Variants in CSAG3 observed in about 807,000 individuals in gnomAD.
The protein encoded by CSAG3 is CSAG family member 3, also known as chondrosarcoma-associated gene 2/3 protein.
For missense variants in CSAG3, 15 were observed against 93.0 expected, an observed-to-expected ratio of 0.16 and a Z score of 3.45; for synonymous variants, 4 against 34.0, an observed-to-expected ratio of 0.12 and a Z score of 3.07.
upstream of CSAG3, chrX:152,758,831 C>CTCTT (rs1932604810): frequency 1.9e-4 from 4 of 21,413 alleles, no homozygotes; most frequent in African/African-American, 3.9e-4. Flanking sequence ...CTCTCTCTTT[C>CTCTT]TCTCTCTCTC....
At chrX:152,758,849 C>T (rs1932607802), upstream of CSAG3, 1 of 91,982 alleles carries the variant, frequency 1.1e-5, no homozygotes, top group Non-Finnish European at 2.1e-5. Context: ...CTCTCTCTCT[C>T]TCTCTCTCTC....
chrX:152,757,625 GTA>G (rs1351547990), upstream of CSAG3, among the ~76,000 whole-genome samples: 27 of 36,376 alleles, frequency 7.4e-4, 3 homozygotes, highest in Non-Finnish European at 9.1e-4. Flanking sequence ...ATATATATAT[GTA>G]TATATATATA....
chrX:152,758,845 CT>C (rs1932607166), upstream of CSAG3: 2 of 87,256 alleles, frequency 2.3e-5, no homozygotes, highest in Non-Finnish European at 4.5e-5. Context: ...CTCTCTCTCT[CT>C]CTCTCTCTCT....
At chrX:152,758,867 C>CTT (rs1932609911), upstream of CSAG3, 1 of 89,583 alleles carries the variant, frequency 1.1e-5, no homozygotes, top group Non-Finnish European at 2.1e-5. Flanking sequence ...CTCTCTCTCT[C>CTT]TCTCTCTCTT....
exon 2 of CSAG3, chrX:152,759,855 A>T (rs1932644613): frequency 8.3e-7 from 1 of 1,206,387 alleles, no homozygotes; most frequent in East Asian, 3.0e-5. Context: ...TCCCAAGACA[A>T]CCCGGAAGGG....
upstream of CSAG3, among the ~76,000 whole-genome samples, chrX:152,757,608 TATATATATATATATATG>T (rs1932586329): frequency 4.3e-4 from 19 of 43,783 alleles, 4 homozygotes; most frequent in African/African-American, 2.3e-3. Context: ...TGTCTGGTTA[TATATATATATATATATG>T]TATATATATA....
At chrX:152,758,833 C>T (rs1247256271), upstream of CSAG3, 1,209 of 21,144 alleles carry the variant, frequency 0.057, 12 homozygotes, top group East Asian at 0.13. Flanking sequence ...CTCTCTTTCT[C>T]TCTCTCTCTC....
chrX:152,759,120 A>G (rs1932617046), upstream of CSAG3: 3 of 266,664 alleles, frequency 1.1e-5, no homozygotes, highest in Admixed American at 1.6e-4. Context: ...CAGGTGACAC[A>G]ATTTTTTTTT....
upstream of CSAG3, chrX:152,758,829 TTCTC>T (rs1170908672): frequency 0.12 from 5,867 of 48,596 alleles, 109 homozygotes; most frequent in Non-Finnish European, 0.17. Context: ...CTCTCTCTCT[TTCTC>T]TCTCTCTCTC....
upstream of CSAG3, chrX:152,759,107 C>G (rs1932616627): frequency 3.9e-6 from 1 of 258,895 alleles, no homozygotes; most frequent in Non-Finnish European, 7.2e-6. Context: ...TAAGACATAA[C>G]TTCAGGTGAC....
exon 1 of CSAG3, chrX:152,759,605 T>A: frequency 8.3e-7 from 1 of 1,205,666 alleles, no homozygotes; most frequent in Non-Finnish European, 1.1e-6. Context: ...CAGCCCATTG[T>A]CCAACAACCA....
chrX:152,757,606 TATATATATATATATATATGTATATATA>T (rs1640790060), upstream of CSAG3, among the ~76,000 whole-genome samples: 2 of 40,525 alleles, frequency 4.9e-5, no homozygotes, highest in African/African-American at 3.1e-4. Context: ...AATGTCTGGT[TATATATATATATATATATGTATATATA>T]TATATATCCA....
chrX:152,758,833 C>CTCTCTT (rs1932605453), upstream of CSAG3: 3 of 22,701 alleles, frequency 1.3e-4, no homozygotes, highest in African/African-American at 6.3e-4. Flanking sequence ...CTCTCTTTCT[C>CTCTCTT]TCTCTCTCTC....
upstream of CSAG3, chrX:152,758,866 T>C: frequency 1.0e-5 from 1 of 97,769 alleles, no homozygotes; most frequent in Non-Finnish European, 2.0e-5. Flanking sequence ...TCTCTCTCTC[T>C]CTCTCTCTCT....
At chrX:152,758,897 A>T (rs1341220185), upstream of CSAG3, 2 of 88,661 alleles carry the variant, frequency 2.3e-5, no homozygotes, top group Non-Finnish European at 4.3e-5. Context: ...CTCTCTCTGC[A>T]CATGCACAGA....
Sources: gnomAD v4.1 joint callset for allele counts (sites outside exome capture counted in the v4.1 genomes callset) on GRCh38, gnomAD v4.1.1 for gene constraint, MANE v1.5 for transcripts, NCBI Gene and HGNC (gene_info 2026-07-23, HGNC 2026-07-21) for gene names.